PELI2: variants seen among roughly 807,000 people sequenced by gnomAD.
PELI2 encodes pellino E3 ubiquitin protein ligase family member 2, also known as E3 ubiquitin-protein ligase pellino homolog 2.
Under a neutral mutation model 42.3 loss-of-function variants are expected in PELI2, and 23 were observed. The observed-to-expected ratio is 0.54, with a 90% CI of 0.39 to 0.77. The LOEUF is 0.77. Ranked by LOEUF, PELI2 falls within the 30% of genes least tolerant of loss-of-function variation. PELI2 has a pLI of 0.00. For missense variants in PELI2, 463 were observed against 553.2 expected (o/e 0.84, Z 1.64); for synonymous variants, 245 against 212.2 (o/e 1.15, Z -1.34).
At chr14:56,118,817 C>G (rs1882948746) in intron 1 of PELI2, 80 bp downstream of exon 1, 34 of 977,216 alleles carry the variant, frequency 3.5e-5, no homozygotes, top group Admixed American at 2.3e-4. Flanking sequence ...GGCGGGGTGG[C>G]TCGGTGCTCT....
intron 2 of PELI2, among the ~76,000 whole-genome samples, chr14:56,200,151 A>G (rs1886280330): frequency 6.6e-6 from 1 of 152,252 alleles, no homozygotes; most frequent in Non-Finnish European, 1.5e-5. Flanking sequence ...AAATATTTGT[A>G]GTTGTTATTG....
rs1887058401 is a variant in PELI2, at chr14:56,219,891, A to C, written c.207+41427A>C. Among the ~76,000 whole-genome samples, 1 of 152,206 alleles carries C rather than the reference A, an allele frequency of 6.6e-6. No individual in the cohort carries two copies. Among genetic ancestry groups the C allele is most frequent in the Non-Finnish European group, 1.5e-5 (1 of 68,040 alleles). ...CCCTTGTTATGTCTTTAATGGATGC[A>C]GCCTCCTTAAAACAGCTCAGGATTG... is the stretch of plus-strand genomic sequence containing the variant. On this transcript the variant is annotated intron_variant, in intron 2 of 5. Coordinates refer to ENST00000267460, the MANE Select transcript of PELI2 (RefSeq NM_021255.3). This position sits in a 1 kb window ranked among gnomAD's most constrained non-coding sequence, Gnocchi z 4.1.
Position 56,118,484 on chromosome 14 carries a change from G to C in PELI2, c.-177G>C. The C allele has an allele frequency of 2.9e-6, 1 of 349,454 alleles. No individual in the cohort carries two copies. Among genetic ancestry groups the C allele is most frequent in the South Asian group, 1.4e-4 (1 of 7,196 alleles). The allele number at this position is 349,454 out of a possible 1,614,324, so 21.6% of individuals were successfully genotyped here. ...CCGGGGAGTCAGGCGGAGCAGCCGC[G>C]CAGCCACGACGGAGCAGCAGCGGGA... On this transcript the variant is annotated 5_prime_UTR_variant, in exon 1 of 6. Transcript: ENST00000267460.
intron 2 of PELI2, among the ~76,000 whole-genome samples, chr14:56,208,922 G>T (rs1044413921): frequency 6.6e-6 from 1 of 152,138 alleles, no homozygotes; most frequent in Non-Finnish European, 1.5e-5. Flanking sequence ...TGTTACCAGC[G>T]TTAAAATTTA....
At chr14:56,212,947 T>TG (rs3842322) in intron 2 of PELI2, among the ~76,000 whole-genome samples, 49,265 of 151,840 alleles carry the variant, frequency 0.32, 9,845 homozygotes, top group African/African-American at 0.57. Context: ...GGCTGTAGAG[T>TG]GGGGTCACGA....
intron 2 of PELI2, among the ~76,000 whole-genome samples, chr14:56,268,593 T>A (rs1888989849): frequency 6.6e-6 from 1 of 152,194 alleles, no homozygotes; most frequent in Non-Finnish European, 1.5e-5. Context: ...CCTGCGGCAT[T>A]TTGCTCACAT....
chr14:56,288,712 A>G lies in PELI2; in HGVS notation c.507+78A>G. 8.2e-7 allele frequency: 1 copy of G among 1,212,936 alleles called. No individual in the cohort carries two copies. Among genetic ancestry groups the G allele is most frequent in the Non-Finnish European group, 1.2e-6 (1 of 848,030 alleles). 75.1% of individuals were successfully genotyped at this position (1,212,936 alleles called of 1,614,324 possible). Reference sequence around the variant, plus strand: ...TATGGAACATTTAATTGGAGCAAAAAAAAATTGGCTTTGTATGTTGCCTCT... The same window carrying G: ...TATGGAACATTTAATTGGAGCAAAAGAAAATTGGCTTTGTATGTTGCCTCT... On this transcript the variant is annotated intron_variant, in intron 4 of 5. Transcript: ENST00000267460. The surrounding 1 kb of genome is among the most constrained non-coding windows in gnomAD (Gnocchi z 4.6).
intron 1 of PELI2, among the ~76,000 whole-genome samples, chr14:56,122,087 T>A (rs939770815): frequency 6.6e-6 from 1 of 152,160 alleles, no homozygotes; most frequent in Non-Finnish European, 1.5e-5. Flanking sequence ...TAGACTGAAA[T>A]AACCAGCATA....
chr14:56,297,434 C>A lies in PELI2; in HGVS notation c.*268C>A. On this transcript the variant is annotated 3_prime_UTR_variant, in exon 6 of 6. Coordinates refer to ENST00000267460, the MANE Select transcript of PELI2 (RefSeq NM_021255.3). The stretch of plus-strand genomic sequence containing the variant: ...TAATTGGATTTAAAATGCTATGCTT[C>A]TATTTTTAACCTTGGGTTTTTAACC... The A allele has an allele frequency of 2.9e-5, 9 of 314,052 alleles. No homozygotes were observed. The highest frequency in any genetic ancestry group is 1.6e-4 in the East Asian group (3 of 18,368). The allele number at this position is 314,052 out of a possible 1,614,324, so 19.5% of individuals were successfully genotyped here. A position where few individuals can be genotyped will look rare whatever the true frequency, so the allele number is the denominator to read the frequency against.
At position 56,299,761 on chromosome 14, in the gene PELI2, T is replaced by C. The variant is rs1314841945; in HGVS notation, c.*2595T>C. ...TTAAAGGACTAGCCCCACTCCCCCA[T>C]GTGTATACACAAGGAAATTGCAGAC... is the stretch of plus-strand genomic sequence containing the variant. On this transcript the variant is annotated 3_prime_UTR_variant, in exon 6 of 6. Transcript: ENST00000267460. The C allele has an allele frequency of 1.3e-5, 2 of 152,206 alleles. No homozygotes were observed. Among genetic ancestry groups the C allele is most frequent in the Non-Finnish European group, 2.9e-5 (2 of 68,032 alleles). The allele number at this position is 152,206 out of a possible 1,614,324, so 9.4% of individuals were successfully genotyped here. A position where few individuals can be genotyped will look rare whatever the true frequency, so the allele number is the denominator to read the frequency against.
chr14:56,224,289 A>C (rs1390102716), intron 2 of PELI2, among the ~76,000 whole-genome samples: 1 of 152,170 alleles, frequency 6.6e-6, no homozygotes, highest in Non-Finnish European at 1.5e-5. Context: ...CGTGATTTAG[A>C]CTCAGGGAAA....
chr14:56,212,110 A>G (rs1886731264), intron 2 of PELI2, among the ~76,000 whole-genome samples: 1 of 152,210 alleles, frequency 6.6e-6, no homozygotes, highest in Admixed American at 6.5e-5. Flanking sequence ...GAAGAGCAAG[A>G]CAGTGAAAAT....
At chr14:56,266,462 TAA>T (rs928212638) in intron 2 of PELI2, among the ~76,000 whole-genome samples, 3 of 151,814 alleles carry the variant, frequency 2.0e-5, no homozygotes, top group Admixed American at 1.3e-4. Context: ...TCATAGTAAA[TAA>T]AAAAAGAGAT....
Position 56,288,306 on chromosome 14 carries a change from T to C in PELI2, c.310-131T>C, listed in dbSNP as rs928400929. On this transcript the variant is annotated intron_variant, in intron 3 of 5. Coordinates refer to ENST00000267460, the MANE Select transcript of PELI2 (RefSeq NM_021255.3). This position sits in a 1 kb window ranked among gnomAD's most constrained non-coding sequence, Gnocchi z 4.6. Reference sequence around the variant, plus strand: ...AGGAAAAGGAGCACGAATGAAAATCTTGCATTAAATTCTAACCCTCAGAAC... The same window carrying C: ...AGGAAAAGGAGCACGAATGAAAATCCTGCATTAAATTCTAACCCTCAGAAC... 4 of 680,946 alleles carry C rather than the reference T, an allele frequency of 5.9e-6. No homozygotes were observed. Among genetic ancestry groups the C allele is most frequent in the Non-Finnish European group, 1.0e-5 (4 of 392,604 alleles). 42.2% of individuals were successfully genotyped at this position (680,946 alleles called of 1,614,324 possible). A position where few individuals can be genotyped will look rare whatever the true frequency, so the allele number is the denominator to read the frequency against.
chr14:56,230,840 T>C (rs180772316), intron 2 of PELI2, among the ~76,000 whole-genome samples: 224 of 152,304 alleles, frequency 1.5e-3, no homozygotes, highest in Non-Finnish European at 2.3e-3. Context: ...ATCAGTGTGC[T>C]GTATTCAGGA....
At chr14:56,255,282 T>A (rs1017174617) in intron 2 of PELI2, among the ~76,000 whole-genome samples, 1 of 152,176 alleles carries the variant, frequency 6.6e-6, no homozygotes, top group Non-Finnish European at 1.5e-5. Flanking sequence ...GTGGCACATA[T>A]ACACCATAGA....
intron 2 of PELI2, among the ~76,000 whole-genome samples, chr14:56,253,355 A>G (rs567540659): frequency 3.3e-5 from 5 of 152,370 alleles, no homozygotes; most frequent in African/African-American, 7.2e-5. Flanking sequence ...GTCCAGGGCA[A>G]TCAGGCAAGA....
intron 1 of PELI2, 62 bp from the exon 2 acceptor site, chr14:56,178,273 A>G: frequency 6.4e-7 from 1 of 1,569,986 alleles, no homozygotes. Context: ...AATACCTCTA[A>G]CTTTTATGTT....
In PELI2 at chr14:56,164,389, C is replaced by G. The variant is rs1000734033; in HGVS notation, c.78-13946C>G. On this transcript the variant is annotated intron_variant, in intron 1 of 5. Coordinates refer to ENST00000267460, the MANE Select transcript of PELI2 (RefSeq NM_021255.3). ...CCATCCTTGCATCCCAGGAATAAAT[C>G]CCACTTGGTCATGGTGAATGTTCTT... Among the ~76,000 whole-genome samples the G allele has an allele frequency of 4.6e-5, 7 of 152,186 alleles. No individual in the cohort carries two copies. The East Asian group carries it at 1.2e-3, about 25-fold the overall frequency.
Sources: allele counts gnomAD v4.1 joint callset (sites outside exome capture counted in the v4.1 genomes callset), GRCh38; gene constraint gnomAD v4.1.1; non-coding constraint Gnocchi (gnomAD v3.1); transcripts MANE v1.5; gene names NCBI Gene and HGNC (gene_info 2026-07-23, HGNC 2026-07-21).